LPCAT1: variants seen among roughly 807,000 people sequenced by gnomAD.
The protein encoded by LPCAT1 is lysophosphatidylcholine acyltransferase 1.
A neutral mutation model predicts 60.9 loss-of-function variants in LPCAT1; 23 were observed. The observed-to-expected ratio is 0.38, with a 90% CI of 0.27 to 0.53. The LOEUF is 0.53. LPCAT1 is among the 20% of genes least tolerant of loss of function. LPCAT1 has a pLI of 0.82. For missense variants in LPCAT1, 622 were observed against 723.6 expected, an observed-to-expected ratio of 0.86 and a Z score of 1.61; for synonymous variants, 340 against 301.1, an observed-to-expected ratio of 1.13 and a Z score of -1.34.
intron 12 of LPCAT1, 105 bp from the exon 13 acceptor site, chr5:1,466,995 G>T: frequency 7.9e-7 from 1 of 1,261,460 alleles, no homozygotes; most frequent in Non-Finnish European, 1.0e-6. Flanking sequence ...CAGAGCTGCT[G>T]GGCACCTGCA....
At chr5:1,491,099 G>A (rs181574535) in intron 3 of LPCAT1, among the ~76,000 whole-genome samples, 3 of 152,006 alleles carry the variant, frequency 2.0e-5, no homozygotes, top group Admixed American at 1.3e-4. Flanking sequence ...CTATCCTGTG[G>A]TTGTCTGTTG....
intron 2 of LPCAT1, among the ~76,000 whole-genome samples, chr5:1,500,045 C>T (rs10058381): frequency 0.22 from 33,796 of 152,248 alleles, 5,742 homozygotes; most frequent in African/African-American, 0.48. Context: ...CCACTTGGCC[C>T]GGTTCCCCAC....
At chr5:1,471,758 A>C (rs527447464) in intron 11 of LPCAT1, among the ~76,000 whole-genome samples, 1 of 151,842 alleles carries the variant, frequency 6.6e-6, no homozygotes, top group South Asian at 2.1e-4. Flanking sequence ...GGTGGGGAGC[A>C]CACAGGATAG....
intron 8 of LPCAT1, 130 bp downstream of exon 8, chr5:1,479,491 A>G (rs1316478927): frequency 1.8e-5 from 13 of 721,114 alleles, no homozygotes; most frequent in Non-Finnish European, 2.5e-5. Flanking sequence ...AGCCCTGAGA[A>G]ACGGAAAGAT....
chr5:1,472,780 G>A (rs868330842), intron 11 of LPCAT1, among the ~76,000 whole-genome samples: 1 of 152,092 alleles, frequency 6.6e-6, no homozygotes, highest in Non-Finnish European at 1.5e-5. Flanking sequence ...CCTCGTAGTA[G>A]AGGGCCCGCG....
intron 5 of LPCAT1, among the ~76,000 whole-genome samples, chr5:1,484,920 C>T (rs903685868): frequency 5.3e-5 from 8 of 152,292 alleles, no homozygotes; most frequent in East Asian, 1.9e-4. Context: ...CCCAGGTGGA[C>T]GGGTGGCTGT....
intron 4 of LPCAT1, among the ~76,000 whole-genome samples, chr5:1,489,443 A>G (rs1256238608): frequency 6.6e-6 from 1 of 152,240 alleles, no homozygotes; most frequent in Non-Finnish European, 1.5e-5. Flanking sequence ...CATCAACTCC[A>G]AAATCACACT....
At position 1,522,835 on chromosome 5, in the gene LPCAT1, CTG is replaced by C. The variant is rs1736714528; in HGVS notation, c.135+873_135+874del. Among the ~76,000 whole-genome samples, 1 of 152,156 alleles carries C rather than the reference CTG, an allele frequency of 6.6e-6. No homozygotes were observed. The highest frequency in any genetic ancestry group is 1.5e-5 in the Non-Finnish European group (1 of 68,030). ...CCTCTTGAGAGTGGATCTCAGGTAA[CTG>C]TAAGCCCAGCTGGCAGCCAGGTAGC... On this transcript the variant is annotated intron_variant, in intron 1 of 13. Transcript: ENST00000283415. This position sits in a 1 kb window ranked among gnomAD's most constrained non-coding sequence, Gnocchi z 6.8.
At chr5:1,464,599 G>C (rs914833104) in intron 13 of LPCAT1, among the ~76,000 whole-genome samples, 1 of 151,016 alleles carries the variant, frequency 6.6e-6, no homozygotes, top group Non-Finnish European at 1.5e-5. Flanking sequence ...ACACATGTGC[G>C]CACACACACA....
At chr5:1,493,777 C>A (rs1385350503) in intron 3 of LPCAT1, among the ~76,000 whole-genome samples, 1 of 152,252 alleles carries the variant, frequency 6.6e-6, no homozygotes, top group East Asian at 1.9e-4. Flanking sequence ...TGGGATGCGG[C>A]CCCCAAAGAT....
intron 1 of LPCAT1, among the ~76,000 whole-genome samples, chr5:1,519,182 T>C (rs897986047): frequency 6.6e-6 from 1 of 152,260 alleles, no homozygotes; most frequent in Non-Finnish European, 1.5e-5. Context: ...GGTTTCTGCA[T>C]GAAACTGATG....
At chr5:1,473,020 C>T (rs950140710) in intron 11 of LPCAT1, among the ~76,000 whole-genome samples, 3 of 149,412 alleles carry the variant, frequency 2.0e-5, no homozygotes, top group Admixed American at 6.6e-5. Flanking sequence ...GGGAGTCCTT[C>T]CTTTGCCTCT....
chr5:1,504,045 CTCT>C (rs1736108483), intron 1 of LPCAT1, among the ~76,000 whole-genome samples: 1 of 151,982 alleles, frequency 6.6e-6, no homozygotes, highest in Non-Finnish European at 1.5e-5. Context: ...TTAATTTTGG[CTCT>C]TATTAGTTCC....
At chr5:1,518,613 T>A (rs1736580822) in intron 1 of LPCAT1, among the ~76,000 whole-genome samples, 1 of 152,198 alleles carries the variant, frequency 6.6e-6, no homozygotes, top group Admixed American at 6.5e-5. Flanking sequence ...GTGCTGGGAT[T>A]ACAGGCGTGA....
chr5:1,515,326 C>G (rs1736474316), intron 1 of LPCAT1, among the ~76,000 whole-genome samples: 1 of 152,078 alleles, frequency 6.6e-6, no homozygotes, highest in Non-Finnish European at 1.5e-5. Context: ...CCTTCCTACT[C>G]CGAACTGGCT....
chr5:1,472,879 C>G lies in LPCAT1; in HGVS notation c.1179+1078G>C, dbSNP rs117198802. The stretch of plus-strand genomic sequence containing the variant: ...GTAGCAGAGGGCCCGTGGCTGGGGG[C>G]CCCTCTGGTGCGTGTGGGAGAATGC... On this transcript the variant is annotated intron_variant, in intron 11 of 13. Coordinates refer to ENST00000283415, the MANE Select transcript of LPCAT1 (RefSeq NM_024830.5). Among the ~76,000 whole-genome samples the G allele has an allele frequency of 1.2e-3, 177 of 152,230 alleles. 1 individual carries two copies. The highest frequency in any genetic ancestry group is 5.2e-3 in the East Asian group (27 of 5,176).
intron 13 of LPCAT1, among the ~76,000 whole-genome samples, chr5:1,464,536 G>A (rs1342128812): frequency 6.6e-6 from 1 of 152,134 alleles, no homozygotes; most frequent in African/African-American, 2.4e-5. Context: ...CTTTCAAAAT[G>A]GAAACAAGCG....
intron 1 of LPCAT1, among the ~76,000 whole-genome samples, chr5:1,510,085 T>C (rs1190042346): frequency 6.8e-6 from 1 of 147,442 alleles, no homozygotes; most frequent in Non-Finnish European, 1.5e-5. Context: ...ATGGTGGGTT[T>C]CTTTGTCTTT....
intron 12 of LPCAT1, 148 bp from the exon 13 acceptor site, chr5:1,467,038 T>C (rs953847107): frequency 6.0e-5 from 47 of 779,430 alleles, no homozygotes; most frequent in African/African-American, 2.7e-4. Context: ...GACTCGAACT[T>C]CCATGTGGAG....
Sources: gnomAD v4.1 joint callset for allele counts (sites outside exome capture counted in the v4.1 genomes callset) on GRCh38, gnomAD v4.1.1 for gene constraint, Gnocchi (gnomAD v3.1) non-coding constraint, MANE v1.5 for transcripts, NCBI Gene and HGNC (gene_info 2026-07-23, HGNC 2026-07-21) for gene names.